CDK19: variants seen among roughly 807,000 people sequenced by gnomAD.
CDK19 encodes the protein cyclin-dependent kinase 19.
CDK19 carries 20 observed loss-of-function variants against 68.3 expected under a neutral mutation model. The ratio of observed to expected loss-of-function variants is 0.29; its 90% CI spans 0.21 to 0.43. CDK19 has a LOEUF of 0.43. CDK19 is among the 20% of genes least tolerant of loss of function. The pLI is 1.00. For missense variants in CDK19, 339 were observed against 623.5 expected (o/e 0.54, Z 4.86); for synonymous variants, 221 against 222.8 (o/e 0.99, Z 0.07).
At chr6:110,689,963 A>T (rs1258263802) in intron 2 of CDK19, among the ~76,000 whole-genome samples, 1 of 152,212 alleles carries the variant, frequency 6.6e-6, no homozygotes, top group Non-Finnish European at 1.5e-5. Flanking sequence ...GCAGGCTTTG[A>T]GTCCCAGATC....
intron 2 of CDK19, among the ~76,000 whole-genome samples, chr6:110,727,811 A>G (rs1309776829): frequency 1.4e-5 from 2 of 139,496 alleles, no homozygotes; most frequent in African/African-American, 2.5e-5. Flanking sequence ...CATCTCTACT[A>G]AAAAAAAAAG....
chr6:110,655,257 T>C (rs892342769), intron 4 of CDK19, among the ~76,000 whole-genome samples: 6 of 151,716 alleles, frequency 4.0e-5, no homozygotes, highest in African/African-American at 1.5e-4. Flanking sequence ...TCCTAGCTAC[T>C]TGGGAGGCTG....
At chr6:110,805,939 C>T (rs1342696464) in intron 1 of CDK19, among the ~76,000 whole-genome samples, 1 of 148,810 alleles carries the variant, frequency 6.7e-6, no homozygotes, top group Non-Finnish European at 1.5e-5. Flanking sequence ...GAGCCAAGAT[C>T]GTGCCACTGC....
Position 110,610,284 on chromosome 6 carries a change from T to C in CDK19, c.*4251A>G, listed in dbSNP as rs1777954408. 1 of 152,596 alleles carries C rather than the reference T, an allele frequency of 6.6e-6. No homozygotes were observed. The highest frequency in any genetic ancestry group is 2.4e-5 in the African/African-American group (1 of 41,426). The allele number at this position is 152,596 out of a possible 1,614,324, so 9.5% of individuals were successfully genotyped here. On this transcript the variant is annotated 3_prime_UTR_variant, in exon 13 of 13. Coordinates refer to ENST00000368911, the MANE Select transcript of CDK19 (RefSeq NM_015076.5). ...AGGTACACTTCACAAATAGGAATTATAGGAATATACAAACTAGGCAGTTTA... is the reference window on the plus strand; with the variant it reads ...AGGTACACTTCACAAATAGGAATTACAGGAATATACAAACTAGGCAGTTTA...
chr6:110,740,068 G>C (rs1003547454), intron 2 of CDK19, among the ~76,000 whole-genome samples: 1 of 151,606 alleles, frequency 6.6e-6, no homozygotes, highest in Non-Finnish European at 1.5e-5. Flanking sequence ...CTGCTCTTGT[G>C]GGGGGAAAAA....
At chr6:110,806,294 C>G (rs1218511219) in intron 1 of CDK19, among the ~76,000 whole-genome samples, 3 of 150,754 alleles carry the variant, frequency 2.0e-5, no homozygotes, top group African/African-American at 7.3e-5. Context: ...GAGCCAAGAT[C>G]GTGCCATCAC....
intron 10 of CDK19, 65 bp downstream of exon 10, chr6:110,622,750 G>T: frequency 2.0e-6 from 2 of 1,010,160 alleles, no homozygotes; most frequent in Non-Finnish European, 3.2e-6. Flanking sequence ...TGCTTCCCTT[G>T]CTTTCAACCA....
intron 4 of CDK19, among the ~76,000 whole-genome samples, chr6:110,667,184 T>C (rs1213373462): frequency 6.6e-6 from 1 of 152,180 alleles, no homozygotes; most frequent in East Asian, 1.9e-4. Context: ...TGTACAGTAA[T>C]CATTTGTTCA....
intron 4 of CDK19, 116 bp downstream of exon 4, chr6:110,667,318 T>C (rs1226865653): frequency 1.2e-5 from 8 of 652,352 alleles, no homozygotes; most frequent in African/African-American, 1.9e-5. Flanking sequence ...TTTGCTTATG[T>C]ATATTTTCAA....
At chr6:110,771,930 A>C (rs1354446587) in intron 1 of CDK19, among the ~76,000 whole-genome samples, 3 of 152,184 alleles carry the variant, frequency 2.0e-5, no homozygotes, top group Non-Finnish European at 4.4e-5. Flanking sequence ...TCCATTTGAG[A>C]CCACCTCAGC....
At chr6:110,680,012 A>C (rs1177514184) in intron 2 of CDK19, among the ~76,000 whole-genome samples, 2 of 152,244 alleles carry the variant, frequency 1.3e-5, no homozygotes, top group Non-Finnish European at 2.9e-5. Context: ...TAACCTAATA[A>C]AACTTTGCTA....
intron 1 of CDK19, among the ~76,000 whole-genome samples, chr6:110,792,659 G>C (rs371030242): frequency 6.6e-6 from 1 of 152,320 alleles, no homozygotes; most frequent in South Asian, 2.1e-4. Flanking sequence ...CACCCGCCGC[G>C]ACAGGCGAGG....
intron 2 of CDK19, among the ~76,000 whole-genome samples, chr6:110,725,438 C>T (rs2114767337): frequency 6.6e-6 from 1 of 152,072 alleles, no homozygotes; most frequent in Non-Finnish European, 1.5e-5. Context: ...TATTACTAAA[C>T]ACAGATAGTA....
chr6:110,759,428 A>ATATATATATATAT (rs1554219514), intron 1 of CDK19, among the ~76,000 whole-genome samples: 19 of 50,904 alleles, frequency 3.7e-4, no homozygotes, highest in African/African-American at 1.6e-3. Flanking sequence ...AAAAAAAAAA[A>ATATATATATATAT]ATATATATAT....
At chr6:110,805,065 T>C (rs1704858365) in intron 1 of CDK19, among the ~76,000 whole-genome samples, 1 of 152,200 alleles carries the variant, frequency 6.6e-6, no homozygotes, top group African/African-American at 2.4e-5. Flanking sequence ...TAACTACTGC[T>C]GCACACTTGT....
chr6:110,740,524 GTAA>G, intron 2 of CDK19, among the ~76,000 whole-genome samples: 1 of 152,142 alleles, frequency 6.6e-6, no homozygotes, highest in Non-Finnish European at 1.5e-5. Flanking sequence ...GTGAGACGAG[GTAA>G]TAACACATTT....
chr6:110,751,890 A>T (rs1446947933), intron 1 of CDK19, among the ~76,000 whole-genome samples: 1 of 152,146 alleles, frequency 6.6e-6, no homozygotes, highest in Admixed American at 6.5e-5. Context: ...TCTTCAAATC[A>T]TATGACATCT....
chr6:110,784,158 CAAAAAAAAAA>C lies in CDK19; in HGVS notation c.128+30841_128+30850del, dbSNP rs1170140844. 1.1e-4 allele frequency among the ~76,000 whole-genome samples: 7 copies of C among 61,494 alleles called. 1 individual carries two copies. The South Asian group carries it at 3.5e-3, about 31-fold the overall frequency. 40.3% of individuals were successfully genotyped at this position (61,494 alleles called of 152,430 possible). A position where few individuals can be genotyped will look rare whatever the true frequency, so the allele number is the denominator to read the frequency against. On this transcript the variant is annotated intron_variant, in intron 1 of 12. Coordinates refer to ENST00000368911, the MANE Select transcript of CDK19 (RefSeq NM_015076.5). ...TGAGTGACAGAGCAAGACTTCGTCT[CAAAAAAAAAA>C]AAAAAAAAAGGAAAGGAGAAAAAGA...
At chr6:110,746,798 G>A (rs1778106542) in intron 1 of CDK19, among the ~76,000 whole-genome samples, 1 of 152,172 alleles carries the variant, frequency 6.6e-6, no homozygotes, top group African/African-American at 2.4e-5. Context: ...AGTAGTTAAA[G>A]TGGATTTTTC....
Sources: gnomAD v4.1 joint callset for allele counts (sites outside exome capture counted in the v4.1 genomes callset) on GRCh38, gnomAD v4.1.1 for gene constraint, MANE v1.5 for transcripts, NCBI Gene and HGNC (gene_info 2026-07-23, HGNC 2026-07-21) for gene names.